GRIP2: variants seen among roughly 807,000 people sequenced by gnomAD.
The protein encoded by GRIP2 is glutamate receptor interacting protein 2.
Under a neutral mutation model 108.3 loss-of-function variants are expected in GRIP2, and 58 were observed. The ratio of observed to expected loss-of-function variants is 0.54; its 90% CI spans 0.43 to 0.67. The LOEUF (loss-of-function observed/expected upper bound fraction) is 0.67, where lower values mean the gene tolerates loss of function less well. Among genes scored for constraint, GRIP2 ranks in the 30% least tolerant of loss-of-function variants. The pLI is 0.00. For synonymous variants in GRIP2, 586 were observed against 598.2 expected (o/e 0.98, Z 0.30); for missense variants, 1,278 against 1,430.6 (o/e 0.89, Z 1.72).
In GRIP2 at chr3:14,532,172, G is replaced by A. The variant is rs147442730; in HGVS notation, c.41-6241C>T. Among the ~76,000 whole-genome samples the A allele has an allele frequency of 4.1e-3, 622 of 152,300 alleles. 7 individuals carry two copies. The East Asian group carries it at 0.049, about 12-fold the overall frequency. ...CATGGAAAGTGAGACCTGACCCAGC[G>A]GCCCACGCGCCCTCCCATCCTCAGC... is the stretch of plus-strand genomic sequence containing the variant. On this transcript the variant is annotated intron_variant, in intron 1 of 23. Coordinates refer to ENST00000621039, the MANE Select transcript of GRIP2 (RefSeq NM_001080423.4).
intron 10 of GRIP2, among the ~76,000 whole-genome samples, chr3:14,517,494 C>CTT (rs146509076): frequency 1.9e-4 from 21 of 107,744 alleles, no homozygotes; most frequent in African/African-American, 4.6e-4. Context: ...ATCTCTCTCT[C>CTT]TTTTTTTTTT....
rs1191670925 is a variant in GRIP2 at position 14,524,531 on chromosome 3, G to A, written c.265C>T (p.Leu89=). 3 of 1,552,756 alleles carry A rather than the reference G, an allele frequency of 1.9e-6. No homozygotes were observed. The highest frequency in any genetic ancestry group is 3.9e-5 in the Admixed American group (2 of 51,088). ...RPGGLAARSD[L]LNIGDYIRSV... ...CGAATATAGTCACCAATGTTCAGCA[G>A]ATCACTCCTAGAGCAGGAAGGCCAG... The change falls in exon 4 of 24, where the codon CTG becomes TTG. Residue 89 remains leucine, a synonymous_variant. Coordinates refer to ENST00000621039, the MANE Select transcript of GRIP2 (RefSeq NM_001080423.4).
chr3:14,573,276 C>T, the GRIP2 span: 58 of 1,408,392 alleles, frequency 4.1e-5, no homozygotes, highest in Non-Finnish European at 5.5e-5. Flanking sequence ...CACCTCTGCT[C>T]GGTACAGCAG....
In GRIP2 at chr3:14,492,667, C is replaced by G. The variant is rs1701362779; in HGVS notation, c.*998G>C. On this transcript the variant is annotated 3_prime_UTR_variant, in exon 24 of 24. Transcript: ENST00000621039. ...CTGGCTGTAAAGAGGAGCGCTACCG[C>G]CTCACAGGTCCTGCGTCCATCGCTT... The G allele has an allele frequency of 1.3e-5, 2 of 152,272 alleles. No homozygotes were observed. Among genetic ancestry groups the G allele is most frequent in the Admixed American group, 1.3e-4 (2 of 15,294 alleles). The allele number at this position is 152,272 out of a possible 1,614,324, so 9.4% of individuals were successfully genotyped here.
upstream of GRIP2, among the ~76,000 whole-genome samples, chr3:14,544,493 G>A (rs1255669427): frequency 6.6e-6 from 1 of 152,154 alleles, no homozygotes; most frequent in South Asian, 2.1e-4. Flanking sequence ...CCAGGCCTCC[G>A]TCCTTCATCT....
At chr3:14,594,746 C>T in the GRIP2 span, among the ~76,000 whole-genome samples, 1 of 152,242 alleles carries the variant, frequency 6.6e-6, no homozygotes, top group Non-Finnish European at 1.5e-5. Context: ...GCTGTGTGCC[C>T]TCAGGCAAGT....
At position 14,521,971 on chromosome 3, in the gene GRIP2, G is replaced by C. The variant is rs1282284951; in HGVS notation, c.567-184C>G. ...GAAGGAATGAGCCACTCCAGGAGTG[G>C]GGAGCTGCATAAAGCAAGGGGGGGA... On this transcript the variant is annotated intron_variant, in intron 6 of 23. Coordinates refer to ENST00000621039, the MANE Select transcript of GRIP2 (RefSeq NM_001080423.4). The surrounding 1 kb of genome is among the most constrained non-coding windows in gnomAD (Gnocchi z 5.1). 2 of 578,468 alleles carry C rather than the reference G, an allele frequency of 3.5e-6. No homozygotes were observed. The highest frequency in any genetic ancestry group is 1.9e-5 in the African/African-American group (1 of 52,406). 35.8% of individuals were successfully genotyped at this position (578,468 alleles called of 1,614,324 possible). A position where few individuals can be genotyped will look rare whatever the true frequency, so the allele number is the denominator to read the frequency against.
chr3:14,589,779 C>CTTTT, the GRIP2 span, among the ~76,000 whole-genome samples: 22 of 119,020 alleles, frequency 1.8e-4, 1 homozygote, highest in Non-Finnish European at 2.7e-4. Context: ...ACAGACTACA[C>CTTTT]TTTTTTTTTT....
intron 1 of GRIP2, among the ~76,000 whole-genome samples, chr3:14,535,194 C>T (rs1694806367): frequency 1.3e-5 from 2 of 152,156 alleles, no homozygotes; most frequent in South Asian, 4.1e-4. Context: ...CCCCAGCCAG[C>T]TTCGCCCCAC....
At chr3:14,501,735 TATTTTTTA>T (rs1326566495) in intron 21 of GRIP2, among the ~76,000 whole-genome samples, 1 of 152,230 alleles carries the variant, frequency 6.6e-6, no homozygotes, top group East Asian at 1.9e-4. Context: ...TTGATTTACT[TATTTTTTA>T]TTACTTATTT....
chr3:14,588,141 T>C, the GRIP2 span, among the ~76,000 whole-genome samples: 1 of 152,186 alleles, frequency 6.6e-6, no homozygotes, highest in African/African-American at 2.4e-5. Flanking sequence ...GACCGTTAGC[T>C]CTGTCTGTGA....
chr3:14,550,620 G>A (rs937120524), intron 1 of GRIP2, among the ~76,000 whole-genome samples: 8 of 152,222 alleles, frequency 5.3e-5, no homozygotes, highest in African/African-American at 1.4e-4. Flanking sequence ...ATCTCCTCAT[G>A]CATAAAATGG....
In GRIP2 at chr3:14,493,701, G is replaced by A; in HGVS notation, c.3096C>T (p.Pro1032=). 2 of 1,608,824 alleles carry A rather than the reference G, an allele frequency of 1.2e-6. No homozygotes were observed. Among genetic ancestry groups the A allele is most frequent in the Non-Finnish European group, 1.7e-6 (2 of 1,177,960 alleles). ...GGGGACTGCTGGGGCCTGGCGATCG[G>A]GGGGCCCGGCTGCTGTGTGCCGTGT... The part of the protein sequence containing the change: ...KPHTAHSSRA[P]RSPGPSSPRM... The change falls in exon 24 of 24, where the codon CCC becomes CCT. Residue 1032 remains proline (P), a synonymous_variant. Transcript: ENST00000621039.
chr3:14,507,174 C>T lies in GRIP2; in HGVS notation c.2219-194G>A, dbSNP rs910335949. ...GCTCGGGGAAGCTGAGCAGCATGCC[C>T]GAGATCACACAGTGAGCACCAGTGG... On this transcript the variant is annotated intron_variant, in intron 18 of 23. Coordinates refer to ENST00000621039, the MANE Select transcript of GRIP2 (RefSeq NM_001080423.4). This position sits in a 1 kb window ranked among gnomAD's most constrained non-coding sequence, Gnocchi z 4.6. Among the ~76,000 whole-genome samples, 2 of 152,066 alleles carry T rather than the reference C, an allele frequency of 1.3e-5. No homozygotes were observed. The highest frequency in any genetic ancestry group is 1.3e-4 in the Admixed American group (2 of 15,276).
At chr3:14,571,049 A>T in the GRIP2 span, among the ~76,000 whole-genome samples, 1 of 151,924 alleles carries the variant, frequency 6.6e-6, no homozygotes, top group African/African-American at 2.4e-5. Flanking sequence ...AGTGGCACAT[A>T]CCCTCTCCCC....
At chr3:14,591,311 T>G in the GRIP2 span, among the ~76,000 whole-genome samples, 1 of 152,170 alleles carries the variant, frequency 6.6e-6, no homozygotes, top group East Asian at 1.9e-4. Context: ...TGTATGATCT[T>G]GAGCACCATA....
chr3:14,574,492 G>A, the GRIP2 span: 3,587 of 720,120 alleles, frequency 5.0e-3, 110 homozygotes, highest in African/African-American at 0.056. Flanking sequence ...AGCTCACTGC[G>A]GTCCAGGGCC....
intron 1 of GRIP2, among the ~76,000 whole-genome samples, chr3:14,532,203 C>T (rs1322621172): frequency 6.6e-6 from 1 of 152,196 alleles, no homozygotes; most frequent in Non-Finnish European, 1.5e-5. Flanking sequence ...TCAGCGGCAG[C>T]GGGAGAAAAG....
At chr3:14,496,678 C>T in intron 21 of GRIP2, 118 bp from the exon 22 acceptor site, 1 of 1,382,628 alleles carries the variant, frequency 7.2e-7, no homozygotes, top group Non-Finnish European at 9.6e-7. Flanking sequence ...ACAGGACAGA[C>T]ATGGTCCCTG....
Sources: allele counts gnomAD v4.1 joint callset (sites outside exome capture counted in the v4.1 genomes callset), GRCh38; gene constraint gnomAD v4.1.1; non-coding constraint Gnocchi (gnomAD v3.1); transcripts MANE v1.5; gene names NCBI Gene and HGNC (gene_info 2026-07-23, HGNC 2026-07-21).